Variants in SLC36A1 observed in about 807,000 individuals in gnomAD.
The protein encoded by SLC36A1 is solute carrier family 36 member 1.
In SLC36A1, 30 loss-of-function variants were observed where a neutral mutation model predicts 47.5. The observed-to-expected ratio is 0.63, with a 90% CI of 0.47 to 0.86. The LOEUF (loss-of-function observed/expected upper bound fraction) is 0.86. SLC36A1 is among the 40% of genes least tolerant of loss of function. SLC36A1 has a pLI of 0.00. For synonymous variants in SLC36A1, 255 were observed against 249.7 expected, an observed-to-expected ratio of 1.02 and a Z score of -0.20; for missense variants, 517 against 606.0, an observed-to-expected ratio of 0.85 and a Z score of 1.54.
chr5:151,505,799 C>G, the SLC36A1 span: 2 of 1,613,826 alleles, frequency 1.2e-6, no homozygotes, highest in African/African-American at 2.7e-5. Flanking sequence ...AGCTGATGGC[C>G]GTGTACTCAT....
intron 3 of SLC36A1, 98 bp from the exon 4 acceptor site, chr5:151,464,413 TTAG>T: frequency 9.8e-7 from 1 of 1,023,356 alleles, no homozygotes; most frequent in Non-Finnish European, 1.5e-6. Flanking sequence ...GAAAACTGCC[TTAG>T]TAGCTTTTTA....
rs1485209103 is a variant in SLC36A1, at chr5:151,463,568, G to C, written c.159G>C (p.Leu53Phe). The C allele has an allele frequency of 5.0e-6, 8 of 1,613,918 alleles. No individual in the cohort carries two copies. Among genetic ancestry groups the C allele is most frequent in the African/African-American group, 4.0e-5 (3 of 74,906 alleles). ...TCCACTTCAGATGGTTCCAGACCTTGATCCACCTGTTAAAAGGCAACATTG... is the reference window on the plus strand; with the variant it reads ...TCCACTTCAGATGGTTCCAGACCTTCATCCACCTGTTAAAAGGCAACATTG... The part of the protein sequence containing the change: ...QSNSTTWFQT[L>F]IHLLKGNIGT... Residue 53 changes from leucine to phenylalanine, a missense_variant, in exon 3 of 11, where the codon TTG (leucine) becomes TTC (phenylalanine). Coordinates refer to ENST00000243389, the MANE Select transcript of SLC36A1 (RefSeq NM_078483.4).
chr5:151,384,487 T>G, the SLC36A1 span, among the ~76,000 whole-genome samples: 1 of 152,254 alleles, frequency 6.6e-6, no homozygotes, highest in Non-Finnish European at 1.5e-5. Flanking sequence ...GTTTCATGCC[T>G]TCTATAATCT....
the SLC36A1 span, among the ~76,000 whole-genome samples, chr5:151,533,461 C>T: frequency 2.0e-5 from 3 of 150,820 alleles, 1 homozygote; most frequent in South Asian, 6.3e-4. Flanking sequence ...AGCCACCCTG[C>T]CTTTGTGTTG....
At chr5:151,397,647 C>T in the SLC36A1 span, among the ~76,000 whole-genome samples, 1 of 151,694 alleles carries the variant, frequency 6.6e-6, no homozygotes, top group African/African-American at 2.4e-5. Flanking sequence ...GCCTGTAGTC[C>T]CAGCTACTGG....
At chr5:151,494,934 T>C (rs1184443462), downstream of SLC36A1, among the ~76,000 whole-genome samples, 10 of 152,196 alleles carry the variant, frequency 6.6e-5, no homozygotes, top group Admixed American at 6.5e-4. Context: ...AAAAAATTAC[T>C]ATTATGAATA....
At chr5:151,350,908 G>A in the SLC36A1 span, among the ~76,000 whole-genome samples, 1 of 152,100 alleles carries the variant, frequency 6.6e-6, no homozygotes, top group Admixed American at 6.5e-5. Flanking sequence ...ATGTTGCCCA[G>A]GCTGGTCTTG....
upstream of SLC36A1, among the ~76,000 whole-genome samples, chr5:151,444,662 T>C (rs909632928): frequency 1.3e-5 from 2 of 152,140 alleles, no homozygotes; most frequent in Admixed American, 1.3e-4. Context: ...ACTTTTGTAT[T>C]TTTAGTAGAG....
intron 6 of SLC36A1, 91 bp downstream of exon 6, chr5:151,467,374 A>T (rs357619): frequency 0.17 from 153,446 of 910,350 alleles, 14,616 homozygotes; most frequent in Non-Finnish European, 0.2. Flanking sequence ...ATTTTTTCCA[A>T]ATCAGCTTTT....
At chr5:151,354,180 T>G in the SLC36A1 span, among the ~76,000 whole-genome samples, 2 of 152,162 alleles carry the variant, frequency 1.3e-5, no homozygotes, top group Non-Finnish European at 2.9e-5. Flanking sequence ...GGTGCACACC[T>G]GTAATCCCAG....
chr5:151,438,299 C>T (rs1759894114), intron 1 of SLC36A1, among the ~76,000 whole-genome samples: 1 of 152,104 alleles, frequency 6.6e-6, no homozygotes, highest in African/African-American at 2.4e-5. Context: ...TATGAACACC[C>T]TACTTACCCA....
chr5:151,555,206 G>A, the SLC36A1 span, among the ~76,000 whole-genome samples: 1 of 151,892 alleles, frequency 6.6e-6, no homozygotes, highest in African/African-American at 2.4e-5. Flanking sequence ...TAGCCCCAAG[G>A]GCATCACATC....
chr5:151,534,759 G>A, the SLC36A1 span: 2 of 804,572 alleles, frequency 2.5e-6, no homozygotes, highest in Non-Finnish European at 4.0e-6. Flanking sequence ...TCACAGCAAG[G>A]AGGGGTCAAT....
chr5:151,392,733 G>A, the SLC36A1 span, among the ~76,000 whole-genome samples: 106 of 152,296 alleles, frequency 7.0e-4, no homozygotes, highest in South Asian at 0.013. Context: ...TCTTAATCCC[G>A]AGTTCTAGTT....
the SLC36A1 span, among the ~76,000 whole-genome samples, chr5:151,346,587 G>T: frequency 3.3e-5 from 5 of 152,158 alleles, no homozygotes; most frequent in African/African-American, 1.2e-4. Flanking sequence ...TCTTCTTAAA[G>T]CAGCAGAACC....
At position 151,488,231 on chromosome 5, in the gene SLC36A1, A is replaced by G; in HGVS notation, c.1408A>G (p.Asn470Asp). ...IQPSNAPIFI[N>D]STCAFI The stretch of plus-strand genomic sequence containing the variant: ...GCCAAGCAATGCTCCCATCTTCATC[A>G]ATTCCACCTGTGCCTTCATATAGGG... Residue 470 changes from asparagine to aspartate, a missense_variant, in exon 11 of 11, where the codon AAT (asparagine) becomes GAT (aspartate). Coordinates refer to ENST00000243389, the MANE Select transcript of SLC36A1 (RefSeq NM_078483.4). 1.9e-6 allele frequency: 3 copies of G among 1,613,996 alleles called. No homozygotes were observed. The highest frequency in any genetic ancestry group is 2.5e-6 in the Non-Finnish European group (3 of 1,179,968).
At chr5:151,543,906 G>C in the SLC36A1 span, 4 of 1,614,104 alleles carry the variant, frequency 2.5e-6, no homozygotes, top group Non-Finnish European at 3.4e-6. Context: ...TGTCTCTGCT[G>C]TCAGGGTCAA....
At chr5:151,447,444 T>A (rs1752994748), upstream of SLC36A1, among the ~76,000 whole-genome samples, 1 of 152,216 alleles carries the variant, frequency 6.6e-6, no homozygotes, top group Admixed American at 6.5e-5. Flanking sequence ...CTATTCGCAG[T>A]CCCCAGCGCC....
At chr5:151,427,802 A>AT in the SLC36A1 span, among the ~76,000 whole-genome samples, 1 of 152,212 alleles carries the variant, frequency 6.6e-6, no homozygotes, top group Non-Finnish European at 1.5e-5. Context: ...CACTCAGGGT[A>AT]TTCAGACAGA....
Sources: allele counts gnomAD v4.1 joint callset (sites outside exome capture counted in the v4.1 genomes callset), GRCh38; gene constraint gnomAD v4.1.1; transcripts MANE v1.5; gene names NCBI Gene and HGNC (gene_info 2026-07-23, HGNC 2026-07-21).